Variants in GSE1 observed in about 807,000 individuals in gnomAD.
GSE1 encodes Gse1 coiled-coil protein.
GSE1 carries 32 observed loss-of-function variants against 112.6 expected under a neutral mutation model. The ratio of observed to expected loss-of-function variants is 0.28; its 90% CI spans 0.21 to 0.38. The LOEUF (loss-of-function observed/expected upper bound fraction) is 0.38. Ranked by LOEUF, GSE1 falls within the 10% of genes least tolerant of loss-of-function variation. The probability of loss-of-function intolerance (pLI) is 1.00; values close to 1 mark genes in which losing one functional copy is unlikely to be tolerated. For missense variants in GSE1, 2,348 were observed against 1,699.2 expected (o/e 1.38, Z -6.71); for synonymous variants, 1,115 against 735.6 (o/e 1.52, Z -8.35).
intron 1 of GSE1, among the ~76,000 whole-genome samples, chr16:85,186,929 C>T (rs569942037): frequency 2.0e-5 from 3 of 152,356 alleles, no homozygotes; most frequent in Admixed American, 6.5e-5. Flanking sequence ...GACCCTCTGA[C>T]GGGTGTACCA....
chr16:85,675,283 C>T lies in GSE1; in HGVS notation c.*2744C>T, dbSNP rs1409446972. On this transcript the variant is annotated 3_prime_UTR_variant, in exon 16 of 16. Transcript: ENST00000253458. Reference sequence around the variant, plus strand: ...GTCCTTAGACCATCTTCCTACATTACCTGGAAGGGAGCTGCCATCTGTCCC... The same window carrying T: ...GTCCTTAGACCATCTTCCTACATTATCTGGAAGGGAGCTGCCATCTGTCCC... The T allele has an allele frequency of 1.3e-5, 2 of 152,076 alleles. No individual in the cohort carries two copies. Among genetic ancestry groups the T allele is most frequent in the East Asian group, 1.9e-4 (1 of 5,184 alleles). The allele number at this position is 152,076 out of a possible 1,614,324, so 9.4% of individuals were successfully genotyped here.
chr16:85,584,329 G>A (rs1372694900), intron 1 of GSE1, among the ~76,000 whole-genome samples: 2 of 151,722 alleles, frequency 1.3e-5, no homozygotes, highest in Admixed American at 6.6e-5. Context: ...AGGCTGGGAT[G>A]CTGGCTACCA....
chr16:85,335,034 A>T (rs1470935126), intron 1 of GSE1, among the ~76,000 whole-genome samples: 1 of 152,174 alleles, frequency 6.6e-6, no homozygotes, highest in Non-Finnish European at 1.5e-5. Flanking sequence ...CTCGGATGCT[A>T]TCTGTACAAG....
At chr16:85,668,849 C>G (rs1006395411) in intron 14 of GSE1, among the ~76,000 whole-genome samples, 2 of 152,232 alleles carry the variant, frequency 1.3e-5, no homozygotes, top group African/African-American at 2.4e-5. Context: ...AAGGATTGCT[C>G]TGTGGCCGGT....
intron 1 of GSE1, among the ~76,000 whole-genome samples, chr16:85,565,202 C>G (rs2045689397): frequency 6.6e-6 from 1 of 151,910 alleles, no homozygotes; most frequent in Non-Finnish European, 1.5e-5. Context: ...CCAGCCTGAC[C>G]AACATGATGA....
intron 1 of GSE1, among the ~76,000 whole-genome samples, chr16:85,604,248 T>C (rs2047586987): frequency 6.6e-6 from 1 of 152,246 alleles, no homozygotes; most frequent in South Asian, 2.1e-4. Flanking sequence ...GGGCATTTCA[T>C]ACAAATGGAA....
intron 2 of GSE1, among the ~76,000 whole-genome samples, chr16:85,425,061 G>T (rs2048938332): frequency 6.6e-6 from 1 of 152,248 alleles, no homozygotes; most frequent in Non-Finnish European, 1.5e-5. Flanking sequence ...CTGGGCTGGG[G>T]GCCCCGGGCC....
In GSE1 at chr16:85,179,361, G is replaced by A. The variant is rs368686598; in HGVS notation, c.2283+7554G>A. On this transcript the variant is annotated intron_variant, in intron 1 of 2. Transcript: ENST00000637419. ...TTCATCCCGTTTTGTGGCTAAGAACGCCGTTGTATGGATGGACCACGTTCT... is the reference window on the plus strand; with the variant it reads ...TTCATCCCGTTTTGTGGCTAAGAACACCGTTGTATGGATGGACCACGTTCT... 4.2e-4 allele frequency among the ~76,000 whole-genome samples: 64 copies of A among 152,296 alleles called. 1 individual carries two copies. Among genetic ancestry groups the A allele is most frequent in the African/African-American group, 1.5e-3 (63 of 41,544 alleles).
chr16:85,654,308 C>G lies in GSE1; in HGVS notation c.457C>G (p.Arg153Gly). ...CGGCTCCAGGAGCAGCAGTGGAGGT[C>G]GGGAACGCCTCATTGTGGAGCCCCC... Reference protein sequence around the residue: ...DAGSRSSSGGRERLIVEPPLP... With the variant: ...DAGSRSSSGGGERLIVEPPLP... The change falls in exon 4 of 16, where the codon CGG becomes GGG. Residue 153 changes from arginine to glycine, a missense_variant. Transcript: ENST00000253458. 1 of 1,607,350 alleles carries G rather than the reference C, an allele frequency of 6.2e-7. No homozygotes were observed. The highest frequency in any genetic ancestry group is 8.5e-7 in the Non-Finnish European group (1 of 1,177,934).
rs554631482 is a variant in GSE1 at position 85,181,469 on chromosome 16, T to C, written c.2283+9662T>C. On this transcript the variant is annotated intron_variant, in intron 1 of 2. Transcript: ENST00000637419. ...GTGCTTCTGGGAGGCGATGCAGCCC[T>C]GGTGGGGGCCTGGCTTCCACACGGC... Among the ~76,000 whole-genome samples, 86 of 152,324 alleles carry C rather than the reference T, an allele frequency of 5.6e-4. 1 individual carries two copies. The South Asian group carries it at 0.017, about 30-fold the overall frequency.
At chr16:85,514,378 CT>C (rs1449546041) in intron 2 of GSE1, among the ~76,000 whole-genome samples, 1 of 143,400 alleles carries the variant, frequency 7.0e-6, no homozygotes, top group Non-Finnish European at 1.5e-5. Context: ...CCCCCCCATC[CT>C]TTGCACCCTC....
chr16:85,170,385 C>A, exon 1 of GSE1: 1 of 985,472 alleles, frequency 1.0e-6, no homozygotes. Context: ...TCCAAGAGGC[C>A]CCTGCAGACG....
At position 85,335,618 on chromosome 16, in the gene GSE1, C is replaced by T. The variant is rs139058893; in HGVS notation, c.2284-21845C>T. On this transcript the variant is annotated intron_variant, in intron 1 of 2. Transcript: ENST00000637419. ...GAGGCCGTGCACCGCAAAAGGTGCC[C>T]GGCTCCTCCCACAGCCACTGCTGCA... Among the ~76,000 whole-genome samples the T allele has an allele frequency of 3.2e-3, 484 of 152,218 alleles. 5 individuals are homozygous for T. The highest frequency in any genetic ancestry group is 0.011 in the African/African-American group (465 of 41,502).
chr16:85,610,957 G>GT (rs1164961031), upstream of GSE1, among the ~76,000 whole-genome samples: 4 of 152,222 alleles, frequency 2.6e-5, no homozygotes. Context: ...CACTCCACAC[G>GT]TTTTTGTGGT....
intron 1 of GSE1, among the ~76,000 whole-genome samples, chr16:85,279,487 T>C: frequency 7.8e-6 from 1 of 127,808 alleles, no homozygotes; most frequent in South Asian, 2.8e-4. Flanking sequence ...TGTGCCTGTG[T>C]TCCCAGCCAC....
At chr16:85,194,769 A>G (rs1230935022) in intron 1 of GSE1, among the ~76,000 whole-genome samples, 2 of 152,206 alleles carry the variant, frequency 1.3e-5, no homozygotes, top group East Asian at 3.8e-4. Flanking sequence ...AAATGGCTGA[A>G]AAGACCTTCT....
chr16:85,188,981 G>A (rs890895674), intron 1 of GSE1, among the ~76,000 whole-genome samples: 1 of 152,108 alleles, frequency 6.6e-6, no homozygotes, highest in Non-Finnish European at 1.5e-5. Flanking sequence ...CTTGCTGTGG[G>A]GGACATGTGA....
chr16:85,437,138 G>A (rs1294324223), intron 2 of GSE1, among the ~76,000 whole-genome samples: 6 of 152,182 alleles, frequency 3.9e-5, no homozygotes, highest in East Asian at 1.9e-4. Context: ...GCGACGAGGC[G>A]GCCTGCCCCT....
intron 1 of GSE1, among the ~76,000 whole-genome samples, chr16:85,584,265 C>T (rs1225665136): frequency 6.6e-6 from 1 of 152,154 alleles, no homozygotes; most frequent in Non-Finnish European, 1.5e-5. Context: ...GGAGGGAGTT[C>T]CCAGTGGGCC....
Sources: gnomAD v4.1 joint callset for allele counts (sites outside exome capture counted in the v4.1 genomes callset) on GRCh38, gnomAD v4.1.1 for gene constraint, MANE v1.5 for transcripts, NCBI Gene and HGNC (gene_info 2026-07-23, HGNC 2026-07-21) for gene names.